DAB2IP: variants seen among roughly 807,000 people sequenced by gnomAD.
The protein encoded by DAB2IP is DAB2 interacting protein.
A neutral mutation model predicts 107.2 loss-of-function variants in DAB2IP; 28 were observed. The observed-to-expected ratio is 0.26, with a 90% CI of 0.19 to 0.36. The LOEUF is 0.36. Ranked by LOEUF, DAB2IP falls within the 10% of genes least tolerant of loss-of-function variation. The pLI, the probability that DAB2IP is intolerant of heterozygous loss-of-function variation, is 1.00. For synonymous variants in DAB2IP, 755 were observed against 706.4 expected (o/e 1.07, Z -1.09); for missense variants, 1,400 against 1,644.7 (o/e 0.85, Z 2.57).
At chr9:121,741,756 A>G (rs1832365471) in intron 3 of DAB2IP, among the ~76,000 whole-genome samples, 1 of 151,204 alleles carries the variant, frequency 6.6e-6, no homozygotes, top group Non-Finnish European at 1.5e-5. Flanking sequence ...GCCTCCAGCT[A>G]TCCTGGGGCA....
intron 3 of DAB2IP, chr9:121,737,085 G>A (rs963492638): frequency 1.3e-5 from 9 of 703,492 alleles, no homozygotes; most frequent in Non-Finnish European, 1.6e-5. Context: ...CCCAGAGGCG[G>A]GGCTTGGGGC....
intron 1 of DAB2IP, chr9:121,574,974 G>T: frequency 6.6e-6 from 1 of 152,518 alleles, no homozygotes; most frequent in Non-Finnish European, 1.5e-5. Context: ...ACACAAGCCT[G>T]AGCAGCTGGC....
intron 3 of DAB2IP, among the ~76,000 whole-genome samples, chr9:121,734,381 C>T (rs1831742683): frequency 1.5e-5 from 2 of 132,656 alleles, no homozygotes; most frequent in Admixed American, 1.4e-4. Flanking sequence ...GAGACTCCGT[C>T]TCAAAAAAAA....
rs976026810 is a variant in DAB2IP at position 121,758,887 on chromosome 9, G to A, written c.517-11G>A. The A allele has an allele frequency of 1.9e-6, 3 of 1,611,332 alleles. No individual in the cohort carries two copies. The highest frequency in any genetic ancestry group is 1.7e-5 in the Admixed American group (1 of 59,670). ...CTTCCCTCATAACACTGTCTTGCCT[G>A]CTCCCCACAGGTGACGACGTCATCA... On this transcript the variant is annotated splice_polypyrimidine_tract_variant and intron_variant, in intron 4 of 15. Coordinates refer to ENST00000408936, the Ensembl canonical transcript of DAB2IP.
chr9:121,567,173 T>C (rs1829822779), exon 1 of DAB2IP: 3 of 1,613,974 alleles, frequency 1.9e-6, no homozygotes, highest in Non-Finnish European at 2.5e-6. Flanking sequence ...GGCCAGGGGC[T>C]GGGGGCCCAC....
At chr9:121,645,153 G>A (rs1832493078) in intron 1 of DAB2IP, among the ~76,000 whole-genome samples, 1 of 152,252 alleles carries the variant, frequency 6.6e-6, no homozygotes, top group Non-Finnish European at 1.5e-5. Flanking sequence ...GGAGAAAGGA[G>A]GGGCTGTGGG....
At chr9:121,754,548 G>T (rs1833344897) in intron 3 of DAB2IP, among the ~76,000 whole-genome samples, 1 of 152,212 alleles carries the variant, frequency 6.6e-6, no homozygotes, top group South Asian at 2.1e-4. Flanking sequence ...AGCGGGGAGG[G>T]TCATGGCTGC....
At chr9:121,779,520 A>G (rs1224989154) in intron 14 of DAB2IP, among the ~76,000 whole-genome samples, 1 of 152,054 alleles carries the variant, frequency 6.6e-6, no homozygotes, top group Admixed American at 6.5e-5. Context: ...ATTCTGGGAG[A>G]CAGTGAGGTT....
intron 1 of DAB2IP, among the ~76,000 whole-genome samples, chr9:121,667,492 T>C (rs1833492924): frequency 6.6e-6 from 1 of 151,930 alleles, no homozygotes; most frequent in African/African-American, 2.4e-5. Flanking sequence ...TTTTCTTTCT[T>C]TCTTTTTCTT....
intron 4 of DAB2IP, among the ~76,000 whole-genome samples, chr9:121,758,131 G>T (rs528977421): frequency 2.0e-5 from 3 of 152,208 alleles, no homozygotes. Flanking sequence ...GGAGGGTGCA[G>T]GCCCTCGAAT....
intron 1 of DAB2IP, among the ~76,000 whole-genome samples, chr9:121,606,725 G>A (rs532954283): frequency 1.3e-5 from 2 of 151,978 alleles, no homozygotes; most frequent in East Asian, 3.9e-4. Flanking sequence ...CTCAGGCAGT[G>A]GGGGGTGAGG....
chr9:121,678,805 ACCGCCACTG>A, intron 2 of DAB2IP, 24 bp downstream of exon 2: 1 of 1,528,334 alleles, frequency 6.5e-7, no homozygotes, highest in Middle Eastern at 1.8e-4. Context: ...CGTCACCAAC[ACCGCCACTG>A]CCACCACCAT....
At chr9:121,647,774 C>T (rs1315340517), upstream of DAB2IP, among the ~76,000 whole-genome samples, 2 of 151,082 alleles carry the variant, frequency 1.3e-5, no homozygotes, top group African/African-American at 2.4e-5. Context: ...CATATATATA[C>T]ATAAACACAC....
chr9:121,694,655 C>T (rs931525002), intron 2 of DAB2IP, among the ~76,000 whole-genome samples: 12 of 152,034 alleles, frequency 7.9e-5, no homozygotes, highest in African/African-American at 2.9e-4. Context: ...GCCAAAGACC[C>T]CCCAGGCCTC....
rs539166891 is a variant in DAB2IP at position 121,780,342 on chromosome 9, G to A, written c.3315-1122G>A. On this transcript the variant is annotated intron_variant, in intron 14 of 15. Transcript: ENST00000408936. ...GAACCTGCCCCGGAGGGTCCCCCCCGCCACCACCGCTCCTCCCAGTTAGTG... is the reference window on the plus strand; with the variant it reads ...GAACCTGCCCCGGAGGGTCCCCCCCACCACCACCGCTCCTCCCAGTTAGTG... Among the ~76,000 whole-genome samples the A allele has an allele frequency of 6.6e-5, 10 of 152,024 alleles. No individual in the cohort carries two copies. In the East Asian group the frequency reaches 1.7e-3, roughly 26 times the overall value.
At chr9:121,621,723 C>T (rs1018447353) in intron 1 of DAB2IP, among the ~76,000 whole-genome samples, 3 of 150,606 alleles carry the variant, frequency 2.0e-5, no homozygotes, top group Admixed American at 6.6e-5. Flanking sequence ...GCAACCTCCA[C>T]CTCCCAGGTT....
intron 8 of DAB2IP, among the ~76,000 whole-genome samples, chr9:121,765,430 C>T (rs149261646): frequency 2.6e-4 from 40 of 152,336 alleles, no homozygotes; most frequent in African/African-American, 7.9e-4. Flanking sequence ...TAGGTGTGCC[C>T]TTGATGGGTC....
At chr9:121,617,516 C>T (rs1418306830) in intron 1 of DAB2IP, among the ~76,000 whole-genome samples, 3 of 152,150 alleles carry the variant, frequency 2.0e-5, no homozygotes, top group South Asian at 2.1e-4. Context: ...CAGCGGTTTC[C>T]GTGGAGTCTC....
intron 1 of DAB2IP, among the ~76,000 whole-genome samples, chr9:121,573,274 G>A (rs367710430): frequency 1.3e-5 from 2 of 151,962 alleles, no homozygotes; most frequent in South Asian, 4.2e-4. Flanking sequence ...GCGGGGTTTC[G>A]CCATGTTGGT....
Sources: allele counts gnomAD v4.1 joint callset (sites outside exome capture counted in the v4.1 genomes callset), GRCh38; gene constraint gnomAD v4.1.1; transcripts MANE v1.5; gene names NCBI Gene and HGNC (gene_info 2026-07-23, HGNC 2026-07-21).